Variants in ZFAT observed in about 807,000 individuals in gnomAD.
ZFAT encodes the protein zinc finger protein ZFAT.
In ZFAT, 64 loss-of-function variants were observed where a neutral mutation model predicts 117.7. The ratio of observed to expected loss-of-function variants is 0.54; its 90% CI spans 0.44 to 0.67. The LOEUF (loss-of-function observed/expected upper bound fraction) is 0.67. Ranked by LOEUF, ZFAT falls within the 30% of genes least tolerant of loss-of-function variation. The probability of loss-of-function intolerance (pLI) is 0.00; values close to 1 mark genes in which losing one functional copy is unlikely to be tolerated. For missense variants in ZFAT, 1,433 were observed against 1,584.5 expected, an observed-to-expected ratio of 0.90 and a Z score of 1.62; for synonymous variants, 679 against 615.0, an observed-to-expected ratio of 1.10 and a Z score of -1.54.
At chr8:134,718,207 G>A in the ZFAT span, among the ~76,000 whole-genome samples, 3 of 152,116 alleles carry the variant, frequency 2.0e-5, no homozygotes, top group Admixed American at 6.5e-5. Context: ...TATTTAAATC[G>A]TTTAGGAAAG....
chr8:134,570,465 T>C (rs1241982194), intron 10 of ZFAT, among the ~76,000 whole-genome samples: 2 of 152,226 alleles, frequency 1.3e-5, no homozygotes, highest in Non-Finnish European at 1.5e-5. Flanking sequence ...TTTCGCCTCA[T>C]GACAGTGGAG....
At chr8:134,761,779 C>G in the ZFAT span, among the ~76,000 whole-genome samples, 43 of 151,858 alleles carry the variant, frequency 2.8e-4, 1 homozygote, top group South Asian at 2.1e-3. Context: ...ACAACAATAA[C>G]CACTTATTTT....
At chr8:134,723,570 TGA>T in the ZFAT span, 2 of 152,328 alleles carry the variant, frequency 1.3e-5, no homozygotes, top group East Asian at 3.9e-4. Flanking sequence ...AGAAGGAGAC[TGA>T]GGAATAAATG....
chr8:134,731,420 G>T, the ZFAT span, among the ~76,000 whole-genome samples: 1 of 152,202 alleles, frequency 6.6e-6, no homozygotes, highest in African/African-American at 2.4e-5. Flanking sequence ...GAAATCAGGA[G>T]ACTTTTTCTG....
chr8:134,716,222 T>C (rs1814210638), upstream of ZFAT, among the ~76,000 whole-genome samples: 1 of 152,006 alleles, frequency 6.6e-6, no homozygotes. Context: ...CACACATATA[T>C]ATCTATAAAA....
chr8:134,478,725 C>T lies in ZFAT; in HGVS notation c.3493-4G>A, dbSNP rs374719469. ...AGCTGGGCTCCTCCTCGGTGACCTG[C>T]GGGAGGAGGGCAAGAGAAAGGTCAC... On this transcript the variant is annotated splice_polypyrimidine_tract_variant and splice_region_variant and intron_variant, in intron 15 of 15. Transcript: ENST00000377838. This position sits in a 1 kb window ranked among gnomAD's most constrained non-coding sequence, Gnocchi z 5.2. 117 of 1,552,792 alleles carry T rather than the reference C, an allele frequency of 7.5e-5. No individual in the cohort carries two copies. Among genetic ancestry groups the T allele is most frequent in the Middle Eastern group, 3.3e-4 (2 of 5,986 alleles).
chr8:134,512,353 A>T (rs1819914174), intron 14 of ZFAT, 122 bp downstream of exon 14: 1 of 1,439,830 alleles, frequency 6.9e-7, no homozygotes. Flanking sequence ...TGCAGTCTGA[A>T]CGCTGGGTCA....
At chr8:134,626,213 A>T (rs1398543938) in intron 3 of ZFAT, among the ~76,000 whole-genome samples, 1 of 152,204 alleles carries the variant, frequency 6.6e-6, no homozygotes, top group East Asian at 1.9e-4. Flanking sequence ...CATCACTGCC[A>T]ACAGGACTGG....
chr8:134,585,179 T>A (rs1448613399), intron 9 of ZFAT, among the ~76,000 whole-genome samples: 2 of 152,132 alleles, frequency 1.3e-5, no homozygotes, highest in Non-Finnish European at 2.9e-5. Flanking sequence ...GGTTGGTCAT[T>A]TACAACACAC....
At chr8:134,684,605 G>A (rs1328596762) in intron 1 of ZFAT, among the ~76,000 whole-genome samples, 1 of 152,174 alleles carries the variant, frequency 6.6e-6, no homozygotes, top group East Asian at 1.9e-4. Flanking sequence ...ACTGGACAGG[G>A]TAGGGATATG....
intron 3 of ZFAT, among the ~76,000 whole-genome samples, chr8:134,613,086 G>A (rs1828458612): frequency 6.6e-6 from 1 of 152,128 alleles, no homozygotes; most frequent in Non-Finnish European, 1.5e-5. Flanking sequence ...GCTATAAAAA[G>A]GTAGAAACAA....
chr8:134,781,055 T>C, the ZFAT span, among the ~76,000 whole-genome samples: 1 of 152,190 alleles, frequency 6.6e-6, no homozygotes, highest in African/African-American at 2.4e-5. Flanking sequence ...TTGTTTCATT[T>C]TATTTTTCTA....
chr8:134,761,267 T>G, the ZFAT span, among the ~76,000 whole-genome samples: 4 of 152,006 alleles, frequency 2.6e-5, no homozygotes, highest in Non-Finnish European at 4.4e-5. Context: ...AACCAAGACC[T>G]TCAAAGGACT....
At chr8:134,589,291 T>C (rs928469774) in intron 8 of ZFAT, among the ~76,000 whole-genome samples, 34 of 152,222 alleles carry the variant, frequency 2.2e-4, no homozygotes, top group Non-Finnish European at 2.9e-4. Context: ...GAGAAGCACA[T>C]AGCCCACACA....
the ZFAT span, among the ~76,000 whole-genome samples, chr8:134,820,049 G>A: frequency 1.3e-4 from 20 of 152,028 alleles, no homozygotes; most frequent in Non-Finnish European, 2.9e-4. Flanking sequence ...AGTTTAACTG[G>A]GTATATTCTT....
the ZFAT span, among the ~76,000 whole-genome samples, chr8:134,812,122 C>T: frequency 6.6e-5 from 10 of 151,520 alleles, no homozygotes; most frequent in Non-Finnish European, 1.2e-4. Flanking sequence ...GCAGCCTGGG[C>T]GACAAGAGCA....
chr8:134,535,489 C>T (rs1391487407), intron 11 of ZFAT, among the ~76,000 whole-genome samples: 3 of 122,900 alleles, frequency 2.4e-5, no homozygotes, highest in African/African-American at 9.1e-5. Context: ...CCCTCCCCCT[C>T]CCCCTCCCCC....
intron 2 of ZFAT, among the ~76,000 whole-genome samples, chr8:134,640,878 G>A (rs1024713956): frequency 6.6e-6 from 1 of 152,192 alleles, no homozygotes; most frequent in South Asian, 2.1e-4. Context: ...TTGGGACTGG[G>A]CAAGGAAAAT....
At chr8:134,677,273 TCCCAC>T (rs2131285811) in intron 1 of ZFAT, among the ~76,000 whole-genome samples, 1 of 152,168 alleles carries the variant, frequency 6.6e-6, no homozygotes, top group Non-Finnish European at 1.5e-5. Context: ...TCACTACCAA[TCCCAC>T]AGAAATACAA....
Sources: gnomAD v4.1 joint callset for allele counts (sites outside exome capture counted in the v4.1 genomes callset) on GRCh38, gnomAD v4.1.1 for gene constraint, Gnocchi (gnomAD v3.1) non-coding constraint, MANE v1.5 for transcripts, NCBI Gene and HGNC (gene_info 2026-07-23, HGNC 2026-07-21) for gene names.